Variants in KDM6A observed in about 807,000 individuals in gnomAD.
The protein encoded by KDM6A is lysine-specific demethylase 6A.
Under a neutral mutation model 117.6 loss-of-function variants are expected in KDM6A, and 11 were observed. That is an observed-to-expected ratio of 0.09 (90% CI 0.06 to 0.15). The LOEUF (loss-of-function observed/expected upper bound fraction) is 0.15, where lower values mean the gene tolerates loss of function less well. KDM6A is among the 10% of genes least tolerant of loss of function. The pLI is 1.00. For synonymous variants in KDM6A, 384 were observed against 396.1 expected (o/e 0.97, Z 0.36); for missense variants, 799 against 1,077.3 (o/e 0.74, Z 3.62).
At chrX:45,035,780 A>G (rs1569526119) in intron 7 of KDM6A, among the ~76,000 whole-genome samples, 1 of 109,474 alleles carries the variant, frequency 9.1e-6, no homozygotes, top group Middle Eastern at 4.7e-3. Context: ...GCTCACTGCA[A>G]GCTCCGCCTA....
intron 4 of KDM6A, among the ~76,000 whole-genome samples, chrX:44,975,107 A>G (rs1485180528): frequency 8.9e-6 from 1 of 111,895 alleles, no homozygotes; most frequent in Non-Finnish European, 1.9e-5. Flanking sequence ...GAAAGTTATG[A>G]TAAACTCTTT....
intron 25 of KDM6A, among the ~76,000 whole-genome samples, chrX:45,088,330 T>C (rs2045736596): frequency 8.9e-6 from 1 of 112,928 alleles, no homozygotes; most frequent in East Asian, 2.8e-4. Flanking sequence ...GAGACTAAGG[T>C]TCTTTCTAGA....
At chrX:45,082,688 T>C in intron 22 of KDM6A, 27 bp from the exon 23 acceptor site, 1 of 1,182,198 alleles carries the variant, frequency 8.5e-7, no homozygotes, top group Non-Finnish European at 1.1e-6. Context: ...AAAAGGCATG[T>C]TTCTAATACT....
intron 17 of KDM6A, 59 bp downstream of exon 17, chrX:45,063,876 A>T: frequency 9.5e-7 from 1 of 1,055,587 alleles, no homozygotes; most frequent in South Asian, 2.0e-5. Flanking sequence ...ACTGGGTTTT[A>T]TACACTTTGA....
At chrX:45,090,076 T>C in intron 26 of KDM6A, 146 bp downstream of exon 26, 1 of 477,394 alleles carries the variant, frequency 2.1e-6, no homozygotes. Flanking sequence ...GTACAACAAA[T>C]TAAATTCAAG....
chrX:44,883,123 C>T (rs1602041501), intron 2 of KDM6A, among the ~76,000 whole-genome samples: 1 of 106,640 alleles, frequency 9.4e-6, no homozygotes, highest in East Asian at 2.9e-4. Context: ...AGGCTGAGTG[C>T]AGCGATGCTA....
Position 45,037,679 on chromosome X carries a change from A to AT in KDM6A, c.645dup (p.Glu216Ter). The AT allele has an allele frequency of 8.3e-7, 1 of 1,200,313 alleles. No individual in the cohort carries two copies. The highest frequency in any genetic ancestry group is 1.1e-6 in the Non-Finnish European group (1 of 885,852). On this transcript the variant is annotated frameshift_variant, in exon 8 of 30. Transcript: ENST00000611820. LOFTEE classifies it high-confidence loss of function. ...GTTCAATTTCACATTGCCCACTTAT[A>AT]TGAAACCCAGGTAAGTATTTTAACT...
At chrX:44,989,626 G>A (rs1602473947) in intron 4 of KDM6A, among the ~76,000 whole-genome samples, 1 of 112,169 alleles carries the variant, frequency 8.9e-6, no homozygotes, top group East Asian at 2.8e-4. Context: ...AAGTGTTGAG[G>A]GCTGTGCCGG....
chrX:45,082,323 A>G (rs1195017099), intron 21 of KDM6A: 2 of 365,078 alleles, frequency 5.5e-6, no homozygotes, highest in East Asian at 4.9e-5. Context: ...AGTCCCAGCT[A>G]CTGAGGAGGC....
intron 4 of KDM6A, among the ~76,000 whole-genome samples, chrX:44,999,346 G>A (rs958874539): frequency 4.5e-5 from 5 of 111,724 alleles, no homozygotes; most frequent in Non-Finnish European, 9.4e-5. Flanking sequence ...ACACGTGGCC[G>A]CCGCTGCTGC....
At chrX:44,926,032 G>A (rs989358164) in intron 2 of KDM6A, among the ~76,000 whole-genome samples, 5 of 110,806 alleles carry the variant, frequency 4.5e-5, no homozygotes, top group African/African-American at 1.6e-4. Context: ...TTAGAGGTAG[G>A]TTGTTATTAA....
At chrX:44,985,110 C>G (rs1376278245) in intron 4 of KDM6A, among the ~76,000 whole-genome samples, 3 of 110,030 alleles carry the variant, frequency 2.7e-5, no homozygotes, top group Non-Finnish European at 3.8e-5. Flanking sequence ...TGTAGTTCTC[C>G]TTGAAGAGGT....
chrX:44,977,138 CTT>C (rs761167292), intron 4 of KDM6A, among the ~76,000 whole-genome samples: 10 of 111,664 alleles, frequency 9.0e-5, no homozygotes, highest in Non-Finnish European at 1.9e-4. Flanking sequence ...CCTAAGAAAT[CTT>C]TGCCTAACTC....
chrX:45,076,965 G>T, intron 19 of KDM6A, 139 bp downstream of exon 19: 1 of 454,448 alleles, frequency 2.2e-6, no homozygotes, highest in Non-Finnish European at 3.6e-6. Flanking sequence ...GGGGCGGGGG[G>T]GAAGATATAT....
rs187343180 is a variant in KDM6A, at chrX:44,956,002, T to A, written c.226-5282T>A. Among the ~76,000 whole-genome samples the A allele has an allele frequency of 4.4e-4, 49 of 111,726 alleles. 1 individual carries two copies. In the South Asian group the frequency reaches 0.017, roughly 40 times the overall value. ...TATGAACCAGTGATGGCCCATTTAA[T>A]TTTTGGTGTGTTTAATTTTTCCTAC... On this transcript the variant is annotated intron_variant, in intron 2 of 29. Coordinates refer to ENST00000611820, the MANE Select transcript of KDM6A (RefSeq NM_001291415.2).
At chrX:45,110,725 T>C (rs532933354) in intron 29 of KDM6A, among the ~76,000 whole-genome samples, 69 of 112,148 alleles carry the variant, frequency 6.2e-4, no homozygotes, top group African/African-American at 2.2e-3. Context: ...AACTTCCTGG[T>C]ATATTATGTA....
chrX:44,887,107 A>G (rs1462800673), intron 2 of KDM6A, among the ~76,000 whole-genome samples: 1 of 108,491 alleles, frequency 9.2e-6, no homozygotes, highest in Non-Finnish European at 1.9e-5. Flanking sequence ...TTTGGTAGAG[A>G]TGGGGTTTTA....
intron 3 of KDM6A, among the ~76,000 whole-genome samples, chrX:44,966,919 G>C (rs1427618743): frequency 9.9e-6 from 1 of 100,759 alleles, no homozygotes; most frequent in Non-Finnish European, 2.0e-5. Flanking sequence ...GCCCAGGCTG[G>C]AGTGCAATGG....
intron 2 of KDM6A, among the ~76,000 whole-genome samples, chrX:44,950,647 G>A (rs919177108): frequency 2.7e-5 from 3 of 110,640 alleles, no homozygotes; most frequent in Non-Finnish European, 5.7e-5. Flanking sequence ...GTGGTTGCAT[G>A]CATCTGAGAT....
Sources: allele counts gnomAD v4.1 joint callset (sites outside exome capture counted in the v4.1 genomes callset), GRCh38; gene constraint gnomAD v4.1.1; transcripts MANE v1.5; gene names NCBI Gene and HGNC (gene_info 2026-07-23, HGNC 2026-07-21).